The following DIAPH3 variants were observed in gnomAD, a reference collection of about 807,000 sequenced individuals.
DIAPH3 encodes the protein diaphanous related formin 3.
DIAPH3 carries 117 observed loss-of-function variants against 144.3 expected under a neutral mutation model. The ratio of observed to expected loss-of-function variants is 0.81; its 90% confidence interval spans 0.70 to 0.95. The LOEUF is 0.95. Ranked by LOEUF, DIAPH3 falls within the 40% of genes least tolerant of loss-of-function variation. The pLI is 0.00. For synonymous variants in DIAPH3, 519 were observed against 488.9 expected (o/e 1.06, Z -0.81); for missense variants, 1,421 against 1,412.7 (o/e 1.01, Z -0.09).
At chr13:59,989,172 A>G (rs1453148260) in intron 12 of DIAPH3, among the ~76,000 whole-genome samples, 1 of 151,884 alleles carries the variant, frequency 6.6e-6, no homozygotes, top group Non-Finnish European at 1.5e-5. Context: ...AAGGTAAAAT[A>G]GAGGTCCTTC....
At chr13:59,935,487 G>A (rs2048219057) in intron 17 of DIAPH3, among the ~76,000 whole-genome samples, 1 of 152,136 alleles carries the variant, frequency 6.6e-6, no homozygotes, top group East Asian at 1.9e-4. Context: ...AATATAGGTG[G>A]TTGATAGGAC....
chr13:59,775,523 T>C (rs2038363994), intron 25 of DIAPH3, among the ~76,000 whole-genome samples: 2 of 152,234 alleles, frequency 1.3e-5, no homozygotes, highest in South Asian at 4.1e-4. Context: ...ATTACAGGCG[T>C]GAGCCACTGC....
Position 59,850,361 on chromosome 13 carries a change from A to G in DIAPH3, c.2738-10913T>C, listed in dbSNP as rs1396488484. 2.0e-5 allele frequency among the ~76,000 whole-genome samples: 3 copies of G among 151,368 alleles called. No individual in the cohort carries two copies. The East Asian group carries it at 5.9e-4, about 30-fold the overall frequency. On this transcript the variant is annotated intron_variant, in intron 22 of 27. Coordinates refer to ENST00000400324, the MANE Select transcript of DIAPH3 (RefSeq NM_001042517.2). ...GCCAGAACTTCCAACACTATGTTGAATAGGAGCGGTGAGAGAGGGCATCCC... is the reference window on the plus strand; with the variant it reads ...GCCAGAACTTCCAACACTATGTTGAGTAGGAGCGGTGAGAGAGGGCATCCC...
intron 27 of DIAPH3, among the ~76,000 whole-genome samples, chr13:59,743,230 T>C (rs1310829368): frequency 6.6e-6 from 1 of 152,066 alleles, no homozygotes; most frequent in Non-Finnish European, 1.5e-5. Context: ...GAAGGGAGAA[T>C]GATTGGGATG....
intron 24 of DIAPH3, among the ~76,000 whole-genome samples, chr13:59,817,187 A>T (rs1342311203): frequency 6.6e-6 from 1 of 151,894 alleles, no homozygotes; most frequent in African/African-American, 2.4e-5. Context: ...TTCTTTAATT[A>T]TCGAGTTTGA....
intron 25 of DIAPH3, among the ~76,000 whole-genome samples, chr13:59,793,833 T>C (rs1177406819): frequency 6.6e-6 from 1 of 152,184 alleles, no homozygotes; most frequent in African/African-American, 2.4e-5. Flanking sequence ...CTTTCAGTGA[T>C]AAAACTGGGA....
chr13:60,134,951 G>A (rs964883354), intron 1 of DIAPH3, among the ~76,000 whole-genome samples: 7 of 152,034 alleles, frequency 4.6e-5, no homozygotes, highest in African/African-American at 1.4e-4. Context: ...AATAAAAATA[G>A]ATAAATAATT....
intron 5 of DIAPH3, among the ~76,000 whole-genome samples, chr13:60,017,199 T>C (rs1310006668): frequency 1.3e-5 from 2 of 151,006 alleles, no homozygotes; most frequent in East Asian, 1.9e-4. Context: ...AGGTCAGGAG[T>C]TCGAGACCAG....
intron 25 of DIAPH3, among the ~76,000 whole-genome samples, chr13:59,780,628 A>T (rs2038686532): frequency 2.0e-5 from 3 of 152,216 alleles, no homozygotes; most frequent in Admixed American, 2.0e-4. Context: ...ACTGTGTCAA[A>T]GGAAATGGAG....
rs552557461 is a variant in DIAPH3 at position 60,124,624 on chromosome 13, G to A, written c.213+8333C>T. 3.9e-5 allele frequency among the ~76,000 whole-genome samples: 6 copies of A among 152,082 alleles called. No homozygotes were observed. The South Asian group carries it at 1.2e-3, about 32-fold the overall frequency. On this transcript the variant is annotated intron_variant, in intron 2 of 27. Transcript: ENST00000400324. ...TCCAATTAGAAGTCTCATATCGATG[G>A]CATCAAGGGAAAAGCGGACAATATT...
intron 21 of DIAPH3, among the ~76,000 whole-genome samples, chr13:59,870,621 T>C (rs1282890201): frequency 1.3e-5 from 2 of 151,976 alleles, no homozygotes; most frequent in Non-Finnish European, 2.9e-5. Context: ...AAATGTCTAT[T>C]ACTTTATTAG....
chr13:60,098,437 T>C (rs1003839232), intron 3 of DIAPH3, among the ~76,000 whole-genome samples: 2 of 151,926 alleles, frequency 1.3e-5, no homozygotes, highest in African/African-American at 4.8e-5. Flanking sequence ...CTATAAGCTA[T>C]TAGAAGCCAA....
intron 17 of DIAPH3, among the ~76,000 whole-genome samples, chr13:59,962,550 G>A (rs1269252857): frequency 6.6e-6 from 1 of 152,250 alleles, no homozygotes; most frequent in East Asian, 1.9e-4. Flanking sequence ...GCCAATGGCT[G>A]AGCCTGGCAC....
intron 4 of DIAPH3, among the ~76,000 whole-genome samples, chr13:60,056,861 C>G (rs757363649): frequency 1.3e-5 from 2 of 151,888 alleles, no homozygotes; most frequent in Non-Finnish European, 2.9e-5. Context: ...TGTGCTGGAA[C>G]TAGATGGTAG....
At chr13:60,128,660 C>T (rs1454502746) in intron 2 of DIAPH3, among the ~76,000 whole-genome samples, 9 of 152,084 alleles carry the variant, frequency 5.9e-5, no homozygotes, top group Admixed American at 5.9e-4. Context: ...AAAGAATAGA[C>T]ACTAATGCAA....
intron 20 of DIAPH3, among the ~76,000 whole-genome samples, chr13:59,908,564 T>C (rs916722368): frequency 6.6e-6 from 1 of 152,106 alleles, no homozygotes; most frequent in Non-Finnish European, 1.5e-5. Flanking sequence ...GTTTTTTAAC[T>C]AATTCTTATG....
intron 17 of DIAPH3, among the ~76,000 whole-genome samples, chr13:59,956,715 C>T (rs962607265): frequency 1.3e-5 from 2 of 152,210 alleles, no homozygotes; most frequent in Non-Finnish European, 2.9e-5. Flanking sequence ...GATCCACTGA[C>T]AGCTTGCACC....
At chr13:59,762,860 A>G (rs1349758851) in intron 27 of DIAPH3, among the ~76,000 whole-genome samples, 1 of 152,118 alleles carries the variant, frequency 6.6e-6, no homozygotes, top group Non-Finnish European at 1.5e-5. Flanking sequence ...GTCTTAGTTA[A>G]TGGGTTGATG....
At chr13:60,135,493 A>G (rs1329445777) in intron 1 of DIAPH3, among the ~76,000 whole-genome samples, 1 of 152,162 alleles carries the variant, frequency 6.6e-6, no homozygotes, top group Non-Finnish European at 1.5e-5. Context: ...GGAGAGTATA[A>G]CAGAGTCTGA....
Sources: gnomAD v4.1 joint callset for allele counts (sites outside exome capture counted in the v4.1 genomes callset) on GRCh38, gnomAD v4.1.1 for gene constraint, MANE v1.5 for transcripts, NCBI Gene and HGNC (gene_info 2026-07-23, HGNC 2026-07-21) for gene names.